The following RBMS3 variants were observed in gnomAD, a reference collection of about 807,000 sequenced individuals.
The protein encoded by RBMS3 is RNA-binding motif, single-stranded-interacting protein 3.
A neutral mutation model predicts 66.8 loss-of-function variants in RBMS3; 27 were observed. The observed-to-expected ratio is 0.40, with a 90% CI of 0.30 to 0.56. RBMS3 has a LOEUF of 0.56. Among genes scored for constraint, RBMS3 ranks in the 20% least tolerant of loss-of-function variants. The probability of loss-of-function intolerance (pLI) is 0.40; values close to 1 mark genes in which losing one functional copy is unlikely to be tolerated. For synonymous variants in RBMS3, 188 were observed against 183.0 expected, an observed-to-expected ratio of 1.03 and a Z score of -0.22; for missense variants, 513 against 549.5, an observed-to-expected ratio of 0.93 and a Z score of 0.66.
chr3:29,313,133 G>A (rs2034478686), intron 1 of RBMS3, among the ~76,000 whole-genome samples: 2 of 151,700 alleles, frequency 1.3e-5, no homozygotes, highest in Non-Finnish European at 2.9e-5. Flanking sequence ...TATCTTGCTT[G>A]TTATACACAT....
intron 1 of RBMS3, among the ~76,000 whole-genome samples, chr3:29,405,534 G>A (rs1333688290): frequency 6.6e-6 from 1 of 152,148 alleles, no homozygotes; most frequent in African/African-American, 2.4e-5. Context: ...TTGGCATACT[G>A]TAATGCCATT....
At chr3:29,428,601 A>G (rs1334747162) in intron 1 of RBMS3, among the ~76,000 whole-genome samples, 1 of 152,004 alleles carries the variant, frequency 6.6e-6, no homozygotes, top group East Asian at 1.9e-4. Flanking sequence ...AGAAAACACA[A>G]CTAACCTTTC....
chr3:29,359,680 C>G (rs1018612133), intron 1 of RBMS3, among the ~76,000 whole-genome samples: 2 of 152,050 alleles, frequency 1.3e-5, no homozygotes, highest in Non-Finnish European at 2.9e-5. Context: ...TGGTCCTGGA[C>G]TTTTTTTGCT....
intron 1 of RBMS3, among the ~76,000 whole-genome samples, chr3:29,309,687 G>A (rs78063423): frequency 1.3e-5 from 2 of 151,638 alleles, no homozygotes; most frequent in Admixed American, 1.3e-4. Context: ...TATAGCAAAG[G>A]GAATATGAAA....
intron 2 of RBMS3, among the ~76,000 whole-genome samples, chr3:29,449,532 C>T (rs1463524298): frequency 6.6e-6 from 1 of 152,204 alleles, no homozygotes; most frequent in Non-Finnish European, 1.5e-5. Context: ...TAATAATTCT[C>T]AGACTTTGGG....
intron 3 of RBMS3, among the ~76,000 whole-genome samples, chr3:29,579,113 C>T (rs13323338): frequency 0.72 from 106,377 of 147,710 alleles, 40,327 homozygotes; most frequent in African/African-American, 0.93. Flanking sequence ...TACATGCTTC[C>T]TAAAGGGGTT....
At chr3:29,658,586 G>A (rs770813207) in intron 4 of RBMS3, among the ~76,000 whole-genome samples, 1 of 152,172 alleles carries the variant, frequency 6.6e-6, no homozygotes, top group Admixed American at 6.5e-5. Context: ...TCTTCGTGAT[G>A]CAAAATACTT....
At chr3:29,744,082 G>A (rs2054764350) in intron 5 of RBMS3, among the ~76,000 whole-genome samples, 1 of 151,956 alleles carries the variant, frequency 6.6e-6, no homozygotes, top group South Asian at 2.1e-4. Context: ...CACCCTTTGA[G>A]AACTATTGCT....
chr3:29,955,012 C>G (rs1333469565), intron 12 of RBMS3, among the ~76,000 whole-genome samples: 1 of 152,036 alleles, frequency 6.6e-6, no homozygotes, highest in Admixed American at 6.6e-5. Flanking sequence ...TCTTTTCTAA[C>G]AGCAGCCCTC....
chr3:29,651,026 G>T (rs1333019019), intron 4 of RBMS3, among the ~76,000 whole-genome samples: 8 of 151,514 alleles, frequency 5.3e-5, no homozygotes, highest in Admixed American at 1.3e-4. Context: ...GATTTTTTTT[G>T]ATGTTGCCTT....
intron 6 of RBMS3, among the ~76,000 whole-genome samples, chr3:29,823,283 A>G (rs1354618072): frequency 6.6e-6 from 1 of 152,192 alleles, no homozygotes; most frequent in African/African-American, 2.4e-5. Context: ...TTAACAAAAT[A>G]AATGGGTTTT....
intron 6 of RBMS3, among the ~76,000 whole-genome samples, chr3:29,776,787 T>A (rs927856269): frequency 6.6e-6 from 1 of 151,976 alleles, no homozygotes; most frequent in East Asian, 1.9e-4. Context: ...AAGGTACACA[T>A]CCTTTGCAAC....
chr3:29,449,058 A>G (rs9823737), intron 2 of RBMS3, among the ~76,000 whole-genome samples: 142,070 of 152,222 alleles, frequency 0.93, 66,353 homozygotes, highest in African/African-American at 0.95. Flanking sequence ...AGGAGAGAAG[A>G]AAAATTATTT....
At chr3:29,667,820 T>C (rs2050826966) in intron 4 of RBMS3, among the ~76,000 whole-genome samples, 1 of 152,158 alleles carries the variant, frequency 6.6e-6, no homozygotes, top group Non-Finnish European at 1.5e-5. Context: ...TTAAGTTTAA[T>C]ATAAAAACAT....
intron 9 of RBMS3, among the ~76,000 whole-genome samples, chr3:29,898,027 A>C (rs1245231595): frequency 6.6e-6 from 1 of 151,654 alleles, no homozygotes; most frequent in East Asian, 1.9e-4. Flanking sequence ...AAGAGACCTC[A>C]GGGGTTCCGC....
At chr3:29,537,179 A>G (rs1359380477) in intron 3 of RBMS3, among the ~76,000 whole-genome samples, 1 of 152,046 alleles carries the variant, frequency 6.6e-6, no homozygotes, top group African/African-American at 2.4e-5. Context: ...AAAAAGGTAA[A>G]ACTGACACAT....
chr3:29,316,699 AC>A (rs2034700122), intron 1 of RBMS3, among the ~76,000 whole-genome samples: 1 of 151,584 alleles, frequency 6.6e-6, no homozygotes, highest in African/African-American at 2.4e-5. Context: ...TCCGGGCCAT[AC>A]TTTACTAATT....
chr3:29,957,269 T>C (rs1043848026), intron 12 of RBMS3, among the ~76,000 whole-genome samples: 1 of 152,276 alleles, frequency 6.6e-6, no homozygotes, highest in African/African-American at 2.4e-5. Context: ...AGACTATTCA[T>C]ATTTACCTTA....
chr3:29,394,401 C>A (rs1217313305), intron 1 of RBMS3, among the ~76,000 whole-genome samples: 1 of 152,144 alleles, frequency 6.6e-6, no homozygotes, highest in African/African-American at 2.4e-5. Flanking sequence ...GTTTTACAAA[C>A]AATTTATATG....
Sources: allele counts gnomAD v4.1 joint callset (sites outside exome capture counted in the v4.1 genomes callset), GRCh38; gene constraint gnomAD v4.1.1; transcripts MANE v1.5; gene names NCBI Gene and HGNC (gene_info 2026-07-23, HGNC 2026-07-21).